The following DPF3 variants were observed in gnomAD, a reference collection of about 807,000 sequenced individuals.
The protein encoded by DPF3 is zinc finger protein DPF3.
Under a neutral mutation model 56.8 loss-of-function variants are expected in DPF3, and 18 were observed. The observed-to-expected ratio is 0.32, with a 90% CI of 0.22 to 0.47. DPF3 has a LOEUF of 0.47. Among genes scored for constraint, DPF3 ranks in the 20% least tolerant of loss-of-function variants. The probability of loss-of-function intolerance (pLI) is 1.00; values close to 1 mark genes in which losing one functional copy is unlikely to be tolerated. For synonymous variants in DPF3, 188 were observed against 180.2 expected (o/e 1.04, Z -0.35); for missense variants, 403 against 488.8 (o/e 0.82, Z 1.65).
intron 9 of DPF3, 105 bp downstream of exon 9, chr14:72,629,519 C>T: frequency 7.3e-6 from 8 of 1,094,802 alleles, no homozygotes; most frequent in Middle Eastern, 2.3e-4. Context: ...GCCAGGGTAA[C>T]AGGCCCCAGG....
intron 8 of DPF3, among the ~76,000 whole-genome samples, chr14:72,663,559 C>A (rs551867095): frequency 6.6e-6 from 1 of 152,304 alleles, no homozygotes; most frequent in African/African-American, 2.4e-5. Flanking sequence ...TGGATAGCCA[C>A]GCATAGCTTT....
intron 1 of DPF3, among the ~76,000 whole-genome samples, chr14:72,834,015 C>G (rs1323416084): frequency 6.6e-6 from 1 of 151,792 alleles, no homozygotes; most frequent in Admixed American, 6.6e-5. Context: ...AACTCCTTCT[C>G]TACTAAAAAT....
chr14:72,861,781 AAGAAAG>A (rs1885438855), intron 1 of DPF3, among the ~76,000 whole-genome samples: 2 of 150,644 alleles, frequency 1.3e-5, no homozygotes, highest in Non-Finnish European at 2.9e-5. Context: ...GAAAGAAAGA[AAGAAAG>A]AAAGAAAGAA....
chr14:72,662,560 T>TA, intron 8 of DPF3: 5 of 985,202 alleles, frequency 5.1e-6, no homozygotes, highest in Non-Finnish European at 6.0e-6. Context: ...AAAGAAAATA[T>TA]AATGAAGATT....
intron 8 of DPF3, among the ~76,000 whole-genome samples, chr14:72,646,708 A>G (rs1415240725): frequency 6.6e-6 from 1 of 152,096 alleles, no homozygotes; most frequent in Non-Finnish European, 1.5e-5. Flanking sequence ...TCCATGCGGA[A>G]TTTTTCCTTT....
At chr14:72,671,437 A>G (rs1324861473) in intron 8 of DPF3, 2 of 1,467,390 alleles carry the variant, frequency 1.4e-6, no homozygotes, top group East Asian at 2.3e-5. Context: ...TAATAGCAAG[A>G]TATAAAACCA....
rs947451241 is a variant in DPF3, at chr14:72,613,800, T to G, written c.*5497A>C. On this transcript the variant is annotated 3_prime_UTR_variant, in exon 11 of 11. Transcript: ENST00000556509. ...CAGCTCTTCCTTTGGGCCTCTCTTC[T>G]AGCTGCCTGGGCTGCGCACATGGAG... Among the ~76,000 whole-genome samples, 2 of 152,200 alleles carry G rather than the reference T, an allele frequency of 1.3e-5. No homozygotes were observed. The highest frequency in any genetic ancestry group is 4.8e-5 in the African/African-American group (2 of 41,450).
At chr14:72,799,012 C>T (rs1892754665) in intron 1 of DPF3, among the ~76,000 whole-genome samples, 1 of 152,186 alleles carries the variant, frequency 6.6e-6, no homozygotes, top group Admixed American at 6.5e-5. Flanking sequence ...AGAAGGTAGC[C>T]TGTGTCCTGA....
intron 1 of DPF3, among the ~76,000 whole-genome samples, chr14:72,811,536 G>A (rs932761752): frequency 6.6e-6 from 1 of 152,110 alleles, no homozygotes; most frequent in Non-Finnish European, 1.5e-5. Flanking sequence ...AAGTTACCCA[G>A]TCTGTGGCAC....
intron 1 of DPF3, among the ~76,000 whole-genome samples, chr14:72,880,175 G>A (rs1886272956): frequency 6.6e-6 from 1 of 152,206 alleles, no homozygotes; most frequent in South Asian, 2.1e-4. Flanking sequence ...AAATACCTGT[G>A]TGTACTGACT....
chr14:72,811,881 G>A (rs947783553), intron 1 of DPF3, among the ~76,000 whole-genome samples: 2 of 152,072 alleles, frequency 1.3e-5, no homozygotes, highest in African/African-American at 4.8e-5. Context: ...GAGAGTTGGT[G>A]GCTTGCTCCA....
intron 1 of DPF3, among the ~76,000 whole-genome samples, chr14:72,829,144 C>T (rs1883942482): frequency 6.6e-6 from 1 of 152,170 alleles, no homozygotes; most frequent in Non-Finnish European, 1.5e-5. Context: ...ATAAATTTAA[C>T]CATCATCTGC....
chr14:72,786,473 C>T (rs756393582), intron 1 of DPF3, among the ~76,000 whole-genome samples: 46 of 152,190 alleles, frequency 3.0e-4, no homozygotes, highest in Non-Finnish European at 5.1e-4. Flanking sequence ...GGAGGCAAGC[C>T]ATGCCCATCC....
chr14:72,615,900 G>A lies in DPF3; in HGVS notation c.*3397C>T, dbSNP rs114680703. Among the ~76,000 whole-genome samples, 4 of 152,364 alleles carry A rather than the reference G, an allele frequency of 2.6e-5. No individual in the cohort carries two copies. Among genetic ancestry groups the A allele is most frequent in the Admixed American group, 2.0e-4 (3 of 15,312 alleles). On this transcript the variant is annotated 3_prime_UTR_variant, in exon 11 of 11. Transcript: ENST00000556509. The stretch of plus-strand genomic sequence containing the variant: ...TACAGGAAACAGGATTTCCACTTCC[G>A]GTTGGGTCTGGCAGCCTCACCTCTC...
chr14:72,681,374 CCT>C (rs1374250575), intron 7 of DPF3, among the ~76,000 whole-genome samples: 2 of 152,022 alleles, frequency 1.3e-5, no homozygotes, highest in Non-Finnish European at 2.9e-5. Flanking sequence ...CCCCAGGAAT[CCT>C]CTCTCTTAGG....
chr14:72,664,272 G>A (rs1886351793), intron 8 of DPF3, among the ~76,000 whole-genome samples: 1 of 152,054 alleles, frequency 6.6e-6, no homozygotes, highest in South Asian at 2.1e-4. Flanking sequence ...ACTCTGTAGT[G>A]AGTCTGTCTC....
intron 1 of DPF3, among the ~76,000 whole-genome samples, chr14:72,808,037 C>A (rs35463808): frequency 0.21 from 31,618 of 152,090 alleles, 4,141 homozygotes; most frequent in Non-Finnish European, 0.28. Context: ...AGGGTCACCC[C>A]CAGCCTGACC....
intron 8 of DPF3, among the ~76,000 whole-genome samples, chr14:72,638,877 C>T (rs539786814): frequency 3.4e-5 from 5 of 147,748 alleles, no homozygotes; most frequent in South Asian, 2.1e-4. Flanking sequence ...AGTGCAGTGG[C>T]GTGATCTTGG....
At chr14:72,730,401 T>G (rs1036262527) in intron 4 of DPF3, among the ~76,000 whole-genome samples, 2 of 152,168 alleles carry the variant, frequency 1.3e-5, no homozygotes, top group Admixed American at 6.5e-5. Context: ...ACACAAGCCA[T>G]GTTGTGGCAA....
Sources: gnomAD v4.1 joint callset for allele counts (sites outside exome capture counted in the v4.1 genomes callset) on GRCh38, gnomAD v4.1.1 for gene constraint, MANE v1.5 for transcripts, NCBI Gene and HGNC (gene_info 2026-07-23, HGNC 2026-07-21) for gene names.